CTNNBL1: variants seen among roughly 807,000 people sequenced by gnomAD.
CTNNBL1 encodes beta-catenin-like protein 1.
CTNNBL1 carries 31 observed loss-of-function variants against 72.7 expected under a neutral mutation model. The observed-to-expected ratio is 0.43, with a 90% CI of 0.32 to 0.58. CTNNBL1 has a LOEUF of 0.58. Among genes scored for constraint, CTNNBL1 ranks in the 20% least tolerant of loss-of-function variants. The pLI is 0.08. For synonymous variants in CTNNBL1, 240 were observed against 267.3 expected, an observed-to-expected ratio of 0.90 and a Z score of 1.00; for missense variants, 534 against 725.1, an observed-to-expected ratio of 0.74 and a Z score of 3.03.
At chr20:37,767,924 C>G (rs756364902) in intron 6 of CTNNBL1, 29 bp from the exon 7 acceptor site, 1 of 1,595,110 alleles carries the variant, frequency 6.3e-7, no homozygotes, top group Non-Finnish European at 8.6e-7. Context: ...AGTTGTCCTC[C>G]CAAATGACTG....
intron 7 of CTNNBL1, among the ~76,000 whole-genome samples, chr20:37,771,616 T>C (rs2073525073): frequency 6.6e-6 from 1 of 151,894 alleles, no homozygotes; most frequent in African/African-American, 2.4e-5. Context: ...GTCAAAATTA[T>C]CTTGACCTCT....
At chr20:37,772,548 CCG>C (rs1298162475) in intron 7 of CTNNBL1, among the ~76,000 whole-genome samples, 1 of 152,158 alleles carries the variant, frequency 6.6e-6, no homozygotes, top group Non-Finnish European at 1.5e-5. Flanking sequence ...TGGGGTTTCA[CCG>C]TATTAGCCAG....
chr20:37,714,746 G>C (rs917039115), intron 1 of CTNNBL1, among the ~76,000 whole-genome samples: 2 of 152,322 alleles, frequency 1.3e-5, no homozygotes, highest in South Asian at 2.1e-4. Context: ...GTTTTATTTT[G>C]TGTTGGTTGG....
At chr20:37,706,435 A>G (rs116890700) in intron 1 of CTNNBL1, among the ~76,000 whole-genome samples, 5,589 of 152,350 alleles carry the variant, frequency 0.037, 136 homozygotes, top group Middle Eastern at 0.061. Context: ...CATTTCAACA[A>G]TGTCCACAGC....
intron 11 of CTNNBL1, among the ~76,000 whole-genome samples, chr20:37,836,987 C>T (rs2072259924): frequency 6.6e-6 from 1 of 152,072 alleles, no homozygotes; most frequent in African/African-American, 2.4e-5. Flanking sequence ...TAGAACTGAT[C>T]TTGTTAGAAT....
chr20:37,766,211 T>C (rs1326506171), intron 6 of CTNNBL1, among the ~76,000 whole-genome samples: 1 of 152,228 alleles, frequency 6.6e-6, no homozygotes, highest in African/African-American at 2.4e-5. Flanking sequence ...GAGCCAGAAT[T>C]TGGCATTGCC....
intron 1 of CTNNBL1, among the ~76,000 whole-genome samples, chr20:37,709,424 A>G (rs1207138885): frequency 2.0e-5 from 3 of 152,214 alleles, no homozygotes; most frequent in Admixed American, 6.5e-5. Context: ...AGAGTTAAAC[A>G]TTAGCAGCAC....
intron 1 of CTNNBL1, among the ~76,000 whole-genome samples, chr20:37,720,263 C>T (rs559203738): frequency 1.7e-4 from 26 of 152,158 alleles, no homozygotes; most frequent in South Asian, 8.3e-4. Context: ...CTCCTGACCT[C>T]GTGATCCGCC....
intron 11 of CTNNBL1, among the ~76,000 whole-genome samples, chr20:37,834,316 A>G (rs2072236958): frequency 6.6e-6 from 1 of 151,232 alleles, no homozygotes; most frequent in East Asian, 2.0e-4. Flanking sequence ...ATTAAAAGGG[A>G]AAATTATTGA....
chr20:37,830,825 A>T (rs923602762), intron 11 of CTNNBL1, among the ~76,000 whole-genome samples: 5 of 151,978 alleles, frequency 3.3e-5, no homozygotes, highest in African/African-American at 7.2e-5. Context: ...TTATTTTTTT[A>T]AAAAAGTGTT....
At chr20:37,759,991 T>C (rs908434281) in intron 5 of CTNNBL1, among the ~76,000 whole-genome samples, 34 of 152,224 alleles carry the variant, frequency 2.2e-4, no homozygotes, top group African/African-American at 8.0e-4. Context: ...GCTTTGGTCT[T>C]TTTCCCAGTT....
intron 4 of CTNNBL1, among the ~76,000 whole-genome samples, chr20:37,752,429 T>G (rs1291930274): frequency 6.6e-6 from 1 of 152,230 alleles, no homozygotes. Context: ...AAAGAAAAGA[T>G]ATTTTTTAAC....
chr20:37,833,393 G>A (rs1051802427), intron 11 of CTNNBL1, among the ~76,000 whole-genome samples: 32 of 152,180 alleles, frequency 2.1e-4, no homozygotes, highest in African/African-American at 7.7e-4. Context: ...TCTGTCTGAG[G>A]CAGCTAGTTG....
intron 11 of CTNNBL1, among the ~76,000 whole-genome samples, chr20:37,819,594 CAAAT>C (rs1054276081): frequency 2.0e-5 from 3 of 152,112 alleles, no homozygotes; most frequent in Admixed American, 2.0e-4. Flanking sequence ...ATATGTTTCT[CAAAT>C]AAACCCCTTT....
intron 1 of CTNNBL1, among the ~76,000 whole-genome samples, chr20:37,704,970 A>G (rs2122547886): frequency 6.6e-6 from 1 of 152,348 alleles, no homozygotes; most frequent in South Asian, 2.1e-4. Context: ...TCATTGTTTA[A>G]ATTGAGGGAT....
chr20:37,773,062 CT>C (rs1568773708), intron 7 of CTNNBL1, among the ~76,000 whole-genome samples: 1 of 152,228 alleles, frequency 6.6e-6, no homozygotes, highest in Non-Finnish European at 1.5e-5. Context: ...ATATTACGTA[CT>C]ATTGAAAATA....
intron 1 of CTNNBL1, among the ~76,000 whole-genome samples, chr20:37,725,207 G>A (rs947700266): frequency 6.6e-6 from 1 of 151,770 alleles, no homozygotes; most frequent in Non-Finnish European, 1.5e-5. Context: ...GCACCCGGTT[G>A]GTCTTGTCAA....
At chr20:37,869,897 G>C (rs1396236428) in intron 15 of CTNNBL1, among the ~76,000 whole-genome samples, 1 of 152,088 alleles carries the variant, frequency 6.6e-6, no homozygotes, top group South Asian at 2.1e-4. Flanking sequence ...TCAGAGGGCA[G>C]TGAAGGGTTG....
At chr20:37,743,865 A>G (rs773018204) in intron 3 of CTNNBL1, among the ~76,000 whole-genome samples, 3 of 152,152 alleles carry the variant, frequency 2.0e-5, no homozygotes, top group Non-Finnish European at 4.4e-5. Flanking sequence ...AAAATACATC[A>G]TAAAATATAT....
Sources: allele counts gnomAD v4.1 joint callset (sites outside exome capture counted in the v4.1 genomes callset), GRCh38; gene constraint gnomAD v4.1.1; transcripts MANE v1.5; gene names NCBI Gene and HGNC (gene_info 2026-07-23, HGNC 2026-07-21).